Variants in GALNTL6 observed in about 807,000 individuals in gnomAD.
GALNTL6 encodes the protein polypeptide N-acetylgalactosaminyltransferase-like 6.
In GALNTL6, 46 loss-of-function variants were observed where a neutral mutation model predicts 73.7. The observed-to-expected ratio is 0.62, with a 90% CI of 0.49 to 0.80. The LOEUF (loss-of-function observed/expected upper bound fraction) is 0.80, where lower values mean the gene tolerates loss of function less well. Ranked by LOEUF, GALNTL6 falls within the 30% of genes least tolerant of loss-of-function variation. GALNTL6 has a pLI of 0.00. For synonymous variants in GALNTL6, 259 were observed against 263.7 expected (o/e 0.98, Z 0.17); for missense variants, 604 against 755.0 (o/e 0.80, Z 2.34).
intron 9 of GALNTL6, among the ~76,000 whole-genome samples, chr4:172,942,243 T>C (rs1561046842): frequency 6.6e-6 from 1 of 152,176 alleles, no homozygotes; most frequent in Non-Finnish European, 1.5e-5. Flanking sequence ...GTCATGGGCA[T>C]TTAGAAACAT....
At chr4:172,455,214 G>A (rs1430492980) in intron 5 of GALNTL6, among the ~76,000 whole-genome samples, 3 of 152,180 alleles carry the variant, frequency 2.0e-5, no homozygotes, top group Non-Finnish European at 4.4e-5. Context: ...TTAGCAACCC[G>A]CAGACCAGGA....
At chr4:171,926,047 A>G (rs79654167) in intron 2 of GALNTL6, among the ~76,000 whole-genome samples, 6,719 of 152,168 alleles carry the variant, frequency 0.044, 395 homozygotes, top group African/African-American at 0.14. Context: ...AAGATTAAAA[A>G]ATGTTAACCC....
At chr4:171,858,613 A>G (rs1047064089) in intron 2 of GALNTL6, among the ~76,000 whole-genome samples, 2 of 152,070 alleles carry the variant, frequency 1.3e-5, no homozygotes, top group Non-Finnish European at 2.9e-5. Flanking sequence ...ATACAATTTG[A>G]TGGCTAAAAA....
chr4:172,537,692 G>T (rs776211199), intron 5 of GALNTL6, among the ~76,000 whole-genome samples: 132 of 152,102 alleles, frequency 8.7e-4, no homozygotes, highest in Admixed American at 2.0e-3. Context: ...TTTGAGATTT[G>T]TAGTAAACCA....
intron 4 of GALNTL6, among the ~76,000 whole-genome samples, chr4:172,327,692 G>T (rs1740989785): frequency 6.6e-6 from 1 of 151,820 alleles, no homozygotes; most frequent in South Asian, 2.1e-4. Flanking sequence ...AGTCTGTTTT[G>T]TCTAAAATTC....
At chr4:172,016,530 A>G (rs1741196923) in intron 2 of GALNTL6, among the ~76,000 whole-genome samples, 1 of 151,872 alleles carries the variant, frequency 6.6e-6, no homozygotes, top group African/African-American at 2.4e-5. Context: ...ATCTCCTTGA[A>G]TTGCTTACTA....
At chr4:172,058,366 C>T (rs368903933) in intron 2 of GALNTL6, among the ~76,000 whole-genome samples, 2 of 152,084 alleles carry the variant, frequency 1.3e-5, no homozygotes, top group South Asian at 2.1e-4. Context: ...ATATAAATTT[C>T]GAGAAAAATA....
intron 2 of GALNTL6, among the ~76,000 whole-genome samples, chr4:172,112,502 G>C (rs62331102): frequency 6.6e-6 from 1 of 151,946 alleles, no homozygotes; most frequent in African/African-American, 2.4e-5. Flanking sequence ...TATCATTTTT[G>C]ATTCCCATCA....
chr4:171,897,890 G>A (rs1736973911), intron 2 of GALNTL6, among the ~76,000 whole-genome samples: 2 of 147,342 alleles, frequency 1.4e-5, no homozygotes, highest in Non-Finnish European at 3.0e-5. Context: ...TCGTGCCACT[G>A]CACTCCAGCC....
intron 3 of GALNTL6, among the ~76,000 whole-genome samples, chr4:172,307,663 TGTAA>T (rs1401623180): frequency 6.6e-6 from 1 of 152,162 alleles, no homozygotes; most frequent in African/African-American, 2.4e-5. Flanking sequence ...ATCAGTTGGC[TGTAA>T]GTATTTGCCT....
intron 2 of GALNTL6, among the ~76,000 whole-genome samples, chr4:171,975,120 T>G (rs1207147672): frequency 1.3e-5 from 2 of 152,234 alleles, no homozygotes; most frequent in Non-Finnish European, 2.9e-5. Flanking sequence ...CCACGGGTAG[T>G]AAGCACTTTG....
chr4:172,397,964 C>T (rs542418361), intron 5 of GALNTL6, among the ~76,000 whole-genome samples: 13 of 151,802 alleles, frequency 8.6e-5, no homozygotes, highest in Non-Finnish European at 1.3e-4. Flanking sequence ...CTTTTGGATT[C>T]TTCTGTCCTT....
chr4:173,033,784 G>A (rs1753569278), intron 12 of GALNTL6, among the ~76,000 whole-genome samples: 1 of 152,126 alleles, frequency 6.6e-6, no homozygotes, highest in African/African-American at 2.4e-5. Flanking sequence ...AAAAGGCTTT[G>A]GACAGGAAGG....
intron 5 of GALNTL6, among the ~76,000 whole-genome samples, chr4:172,527,846 T>A (rs1735015667): frequency 6.6e-6 from 1 of 152,174 alleles, no homozygotes; most frequent in Non-Finnish European, 1.5e-5. Flanking sequence ...GTTCCACACA[T>A]TATATGTGTG....
intron 2 of GALNTL6, among the ~76,000 whole-genome samples, chr4:172,022,219 A>G (rs1034080553): frequency 3.3e-5 from 5 of 151,954 alleles, no homozygotes; most frequent in African/African-American, 9.7e-5. Context: ...TGCTCAGACA[A>G]TTGTTGCCAT....
chr4:171,893,877 G>A (rs1736827962), intron 2 of GALNTL6, among the ~76,000 whole-genome samples: 1 of 152,130 alleles, frequency 6.6e-6, no homozygotes, highest in South Asian at 2.1e-4. Context: ...AGCCAAGAGA[G>A]AAGGCTGTGT....
At chr4:172,536,619 G>T (rs1735356046) in intron 5 of GALNTL6, among the ~76,000 whole-genome samples, 1 of 152,174 alleles carries the variant, frequency 6.6e-6, no homozygotes, top group African/African-American at 2.4e-5. Flanking sequence ...TCTGGCAGAA[G>T]AAATTTCTAA....
At chr4:172,858,661 A>C (rs1744235343) in intron 7 of GALNTL6, among the ~76,000 whole-genome samples, 2 of 152,168 alleles carry the variant, frequency 1.3e-5, no homozygotes, top group Non-Finnish European at 2.9e-5. Flanking sequence ...ACCTACTGTC[A>C]TGGCATAGTG....
intron 3 of GALNTL6, among the ~76,000 whole-genome samples, chr4:172,276,770 T>C (rs185090835): frequency 2.0e-5 from 3 of 152,266 alleles, no homozygotes; most frequent in Non-Finnish European, 2.9e-5. Flanking sequence ...TATAAAGTCC[T>C]TTTATTCAGG....
Sources: gnomAD v4.1 joint callset for allele counts (sites outside exome capture counted in the v4.1 genomes callset) on GRCh38, gnomAD v4.1.1 for gene constraint, MANE v1.5 for transcripts, NCBI Gene and HGNC (gene_info 2026-07-23, HGNC 2026-07-21) for gene names.